The following IKBKB-DT variants were observed in gnomAD, a reference collection of about 807,000 sequenced individuals.
IKBKB-DT encodes the protein IKBKB antisense RNA.
chr8:42,238,366 A>G (rs1806951414), intron 3 of IKBKB-DT, among the ~76,000 whole-genome samples: 2 of 152,200 alleles, frequency 1.3e-5, no homozygotes, highest in South Asian at 4.1e-4. Context: ...AGCTAGCCAC[A>G]GGAGGAATTT....
intron 1 of IKBKB-DT, among the ~76,000 whole-genome samples, chr8:42,266,993 GTTTTTTTTTTGT>G (rs796190292): frequency 0.038 from 5,190 of 135,502 alleles, 299 homozygotes; most frequent in African/African-American, 0.13. Context: ...TTTTTTGTTT[GTTTTTTTTTTGT>G]TTTTTTTTTT....
intron 3 of IKBKB-DT, among the ~76,000 whole-genome samples, chr8:42,242,511 C>T (rs554935430): frequency 1.3e-5 from 2 of 152,274 alleles, no homozygotes; most frequent in Admixed American, 6.5e-5. Context: ...AATGAGAATT[C>T]TATATATGTG....
chr8:42,264,752 C>T (rs2129934874), intron 2 of IKBKB-DT, among the ~76,000 whole-genome samples: 1 of 151,558 alleles, frequency 6.6e-6, no homozygotes, highest in South Asian at 2.1e-4. Context: ...AGAGACAGGG[C>T]TTCACCATGT....
chr8:42,270,117 A>G (rs1035191208), intron 1 of IKBKB-DT, among the ~76,000 whole-genome samples: 4 of 151,938 alleles, frequency 2.6e-5, no homozygotes, highest in Admixed American at 2.6e-4. Context: ...TGCTACTTTT[A>G]GCCACGGATT....
exon 1 of IKBKB-DT, chr8:42,271,242 A>C (rs1585478333): frequency 3.0e-6 from 2 of 677,460 alleles, no homozygotes; most frequent in Non-Finnish European, 5.4e-6. Flanking sequence ...CAGCATCCGG[A>C]CCTGGTCTGC....
intron 3 of IKBKB-DT, among the ~76,000 whole-genome samples, chr8:42,256,121 G>T (rs183447188): frequency 4.8e-4 from 73 of 152,060 alleles, no homozygotes; most frequent in Non-Finnish European, 8.5e-4. Flanking sequence ...AATTCTACAG[G>T]GATCAGGTAG....
chr8:42,266,506 A>G (rs1277407784), intron 1 of IKBKB-DT: 2 of 152,258 alleles, frequency 1.3e-5, no homozygotes, highest in African/African-American at 4.8e-5. Context: ...TTTAAATTTA[A>G]CAGTGCTCAG....
intron 3 of IKBKB-DT, among the ~76,000 whole-genome samples, chr8:42,246,986 T>A (rs1807072662): frequency 6.6e-6 from 1 of 152,118 alleles, no homozygotes; most frequent in South Asian, 2.1e-4. Context: ...CCTAGGAGAA[T>A]CTGAGGCCGC....
intron 3 of IKBKB-DT, among the ~76,000 whole-genome samples, chr8:42,259,996 A>G (rs1314825558): frequency 6.9e-6 from 1 of 145,156 alleles, no homozygotes; most frequent in African/African-American, 2.6e-5. Context: ...AAAAAAAAAC[A>G]AAAAAAAAAG....
At chr8:42,246,752 G>A (rs1807069046) in intron 3 of IKBKB-DT, among the ~76,000 whole-genome samples, 1 of 152,190 alleles carries the variant, frequency 6.6e-6, no homozygotes, top group Non-Finnish European at 1.5e-5. Flanking sequence ...TTCTAAGGAA[G>A]TTGGGACTGG....
At chr8:42,257,550 T>G (rs922166459) in intron 3 of IKBKB-DT, among the ~76,000 whole-genome samples, 2 of 152,182 alleles carry the variant, frequency 1.3e-5, no homozygotes, top group Admixed American at 6.5e-5. Context: ...AAGTCCTTTG[T>G]GACTTTTTAG....
At chr8:42,251,424 G>A (rs891924197) in intron 3 of IKBKB-DT, among the ~76,000 whole-genome samples, 12 of 152,148 alleles carry the variant, frequency 7.9e-5, no homozygotes, top group South Asian at 2.1e-4. Flanking sequence ...AGTTGCTTAC[G>A]GAAGGTTTAA....
chr8:42,240,325 G>C (rs12681399), intron 3 of IKBKB-DT, among the ~76,000 whole-genome samples: 1 of 150,540 alleles, frequency 6.6e-6, no homozygotes, highest in African/African-American at 2.4e-5. Flanking sequence ...AGTTTATTTA[G>C]AAACAGCAAG....
chr8:42,268,756 G>C lies in IKBKB-DT; in HGVS notation n.603+1895C>G, dbSNP rs568128479. Among the ~76,000 whole-genome samples the C allele has an allele frequency of 5.9e-5, 9 of 151,432 alleles. 1 individual carries two copies. The South Asian group carries it at 8.4e-4, about 14-fold the overall frequency. On this transcript the variant is annotated intron_variant and non_coding_transcript_variant, in intron 1 of 3. Coordinates refer to ENST00000518213, the Ensembl canonical transcript of IKBKB-DT. ...TAATTTTTGTATTTTTCGTAGAGAC[G>C]TGGTTTCACCATGTTGGCCAGGCTG...
At chr8:42,269,440 C>CGAGGA (rs1563280754) in intron 1 of IKBKB-DT, among the ~76,000 whole-genome samples, 68 of 17,052 alleles carry the variant, frequency 4.0e-3, no homozygotes, top group African/African-American at 0.015. Flanking sequence ...GGAGGGGAAG[C>CGAGGA]GAGGGGAGGG....
intron 3 of IKBKB-DT, among the ~76,000 whole-genome samples, chr8:42,240,159 G>A (rs1168194746): frequency 6.6e-6 from 1 of 150,850 alleles, no homozygotes; most frequent in African/African-American, 2.4e-5. Context: ...ATTAAAGATG[G>A]TTGCACAAGA....
At chr8:42,241,988 C>A (rs545269424) in intron 3 of IKBKB-DT, among the ~76,000 whole-genome samples, 1 of 152,050 alleles carries the variant, frequency 6.6e-6, no homozygotes, top group Non-Finnish European at 1.5e-5. Flanking sequence ...CCGAAGCGGG[C>A]GGATCACCTT....
chr8:42,269,579 GAGGGGAGT>G (rs1807481825), intron 1 of IKBKB-DT, among the ~76,000 whole-genome samples: 1 of 132,750 alleles, frequency 7.5e-6, no homozygotes. Context: ...AAGGGAAGGG[GAGGGGAGT>G]GGAGGGGAGG....
chr8:42,255,544 T>A (rs1385585291), intron 3 of IKBKB-DT: 1 of 152,192 alleles, frequency 6.6e-6, no homozygotes, highest in African/African-American at 2.4e-5. Context: ...AGAAACCACA[T>A]AAGCAAAGTA....
Sources: gnomAD v4.1 joint callset for allele counts (sites outside exome capture counted in the v4.1 genomes callset) on GRCh38, gnomAD v4.1.1 for gene constraint, MANE v1.5 for transcripts, NCBI Gene and HGNC (gene_info 2026-07-23, HGNC 2026-07-21) for gene names.